The following GPR143 variants were observed in gnomAD, a reference collection of about 807,000 sequenced individuals.
GPR143 encodes G protein-coupled receptor 143, also known as G-protein coupled receptor 143.
Under a neutral mutation model 27.6 loss-of-function variants are expected in GPR143, and 8 were observed. The ratio of observed to expected loss-of-function variants is 0.29; its 90% CI spans 0.17 to 0.52. GPR143 has a LOEUF of 0.52. GPR143 is among the 20% of genes least tolerant of loss of function. The probability of loss-of-function intolerance (pLI) is 0.96; values close to 1 mark genes in which losing one functional copy is unlikely to be tolerated. For missense variants in GPR143, 303 were observed against 343.1 expected, an observed-to-expected ratio of 0.88 and a Z score of 0.92; for synonymous variants, 156 against 153.2, an observed-to-expected ratio of 1.02 and a Z score of -0.13.
At position 9,753,098 on chromosome X, in the gene GPR143, G is replaced by A. The variant is rs140982628; in HGVS notation, c.456-4432C>T. ...TAAACCTTAAAACTTGAAAAAGGCC[G>A]GGCGCAGTGGCTCATGCCTATAATC... is the stretch of plus-strand genomic sequence containing the variant. On this transcript the variant is annotated intron_variant, in intron 3 of 8. Coordinates refer to ENST00000467482, the MANE Select transcript of GPR143 (RefSeq NM_000273.3). 6.2e-3 allele frequency among the ~76,000 whole-genome samples: 696 copies of A among 111,528 alleles called. 3 individuals carry two copies. The highest frequency in any genetic ancestry group is 0.021 in the African/African-American group (660 of 30,760).
chrX:9,726,109 TAG>T (rs2083325932), intron 8 of GPR143: 2 of 381,443 alleles, frequency 5.2e-6, no homozygotes, highest in African/African-American at 5.8e-5. Flanking sequence ...AGTTGATTGA[TAG>T]GTGACTGCGG....
At chrX:9,777,301 G>A (rs936995810) in intron 1 of GPR143, among the ~76,000 whole-genome samples, 9 of 112,109 alleles carry the variant, frequency 8.0e-5, no homozygotes, top group African/African-American at 2.9e-4. Flanking sequence ...CAGCTACTTA[G>A]GAGAGTGAGG....
In GPR143 at chrX:9,736,084, G is replaced by A. The variant is rs2238880; in HGVS notation, c.1120+3401C>T. On this transcript the variant is annotated intron_variant, in intron 8 of 8. Coordinates refer to ENST00000467482, the MANE Select transcript of GPR143 (RefSeq NM_000273.3). ...CTGGTAAAGCTCTGGTAGGAAAATC[G>A]GAATGACACCTGCGTTTCCCCCGCC... Among the ~76,000 whole-genome samples, 537 of 110,750 alleles carry A rather than the reference G, an allele frequency of 4.8e-3. 2 individuals carry two copies. Among genetic ancestry groups the A allele is most frequent in the East Asian group, 0.024 (83 of 3,504 alleles).
chrX:9,760,835 G>A lies in GPR143; in HGVS notation c.251-9C>T, dbSNP rs374596288. 5 of 955,495 alleles carry A rather than the reference G, an allele frequency of 5.2e-6. No individual in the cohort carries two copies. Among genetic ancestry groups the A allele is most frequent in the Admixed American group, 4.8e-5 (2 of 41,326 alleles). 78.7% of individuals were successfully genotyped at this position (955,495 alleles called of 1,213,427 possible). On this transcript the variant is annotated splice_polypyrimidine_tract_variant and intron_variant, in intron 1 of 8. Transcript: ENST00000467482. ...GGACCGGATCACCATACCTAAGAGA[G>A]AATTGGATAATACTTTGTATCTGAT...
In GPR143 at chrX:9,760,739, G is replaced by A; in HGVS notation, c.338C>T (p.Ala113Val). 6 of 1,190,814 alleles carry A rather than the reference G, an allele frequency of 5.0e-6. No individual in the cohort carries two copies. The highest frequency in any genetic ancestry group is 6.8e-6 in the Non-Finnish European group (6 of 878,879). ...SDMNHTEIWP[A>V]AFCVGSAMWI... ...CACCGCACTCCCCACGCAGAAAGCA[G>A]CAGGCCAAATTTCCGTGTGGTTCAT... Residue 113 changes from alanine (A) to valine (V), a missense_variant, in exon 2 of 9, where the codon GCT becomes GTT. Ala to Val is a moderately conservative substitution (Grantham distance 64). Coordinates refer to ENST00000467482, the MANE Select transcript of GPR143 (RefSeq NM_000273.3).
chrX:9,773,119 C>T (rs1414818691), intron 1 of GPR143, among the ~76,000 whole-genome samples: 1 of 111,685 alleles, frequency 9.0e-6, no homozygotes, highest in Admixed American at 9.6e-5. Flanking sequence ...AAATTCACAT[C>T]GCGTGCTTTT....
chrX:9,736,783 G>C (rs1406953243), intron 8 of GPR143, among the ~76,000 whole-genome samples: 1 of 112,185 alleles, frequency 8.9e-6, no homozygotes, highest in Non-Finnish European at 1.9e-5. Context: ...TTCTCAAAAG[G>C]CTTTCCTTTT....
In GPR143 at chrX:9,739,447, A is replaced by C. The variant is rs781743213; in HGVS notation, c.1120+38T>G. The C allele has an allele frequency of 7.0e-6, 7 of 999,535 alleles. No individual in the cohort carries two copies. The East Asian group carries it at 2.2e-4, about 31-fold the overall frequency. The allele number at this position is 999,535 out of a possible 1,213,427, so 82.4% of individuals were successfully genotyped here. ...AAGGCTTTCCAAGGGGAGCCCTGGG[A>C]CCCCGAAGTCTACCTGCTGTGGCAG... On this transcript the variant is annotated intron_variant, in intron 8 of 8. Coordinates refer to ENST00000467482, the MANE Select transcript of GPR143 (RefSeq NM_000273.3).
intron 8 of GPR143, among the ~76,000 whole-genome samples, chrX:9,735,629 C>G (rs965190495): frequency 2.7e-5 from 3 of 111,739 alleles, no homozygotes; most frequent in Non-Finnish European, 5.6e-5. Context: ...AACACTCACC[C>G]ATCCCGGCTA....
chrX:9,774,856 GT>G (rs1281754797), intron 1 of GPR143, among the ~76,000 whole-genome samples: 1 of 110,829 alleles, frequency 9.0e-6, no homozygotes, highest in African/African-American at 3.3e-5. Flanking sequence ...TTTTTTAATT[GT>G]TTTTTTGTTT....
intron 8 of GPR143, among the ~76,000 whole-genome samples, chrX:9,733,012 T>C (rs2083362261): frequency 9.0e-6 from 1 of 110,561 alleles, no homozygotes; most frequent in Non-Finnish European, 1.9e-5. Flanking sequence ...CAAAAGGAAT[T>C]ATGGGAGACT....
chrX:9,730,714 G>A (rs767072277), intron 8 of GPR143, among the ~76,000 whole-genome samples: 1 of 112,103 alleles, frequency 8.9e-6, no homozygotes, highest in South Asian at 3.7e-4. Flanking sequence ...AATTATGGAG[G>A]GGAAGAGAAG....
chrX:9,727,872 G>A (rs1345655077), intron 8 of GPR143, among the ~76,000 whole-genome samples: 1 of 112,616 alleles, frequency 8.9e-6, no homozygotes, highest in Non-Finnish European at 1.9e-5. Context: ...TAAGCACACT[G>A]CCTCTCTCCC....
At chrX:9,766,901 T>A (rs1042048627), upstream of GPR143, among the ~76,000 whole-genome samples, 307 of 65,111 alleles carry the variant, frequency 4.7e-3, 4 homozygotes, top group African/African-American at 0.019. Flanking sequence ...TATCTCTCTC[T>A]CTCACACACA....
intron 2 of GPR143, 33 bp downstream of exon 2, chrX:9,760,684 G>C (rs772933210): frequency 2.7e-6 from 2 of 749,983 alleles, no homozygotes; most frequent in Non-Finnish European, 4.1e-6. Context: ...GCATAAGTAG[G>C]GAGGAGAGGG....
chrX:9,742,873 T>G (rs5978340), intron 6 of GPR143, among the ~76,000 whole-genome samples: 26,753 of 110,542 alleles, frequency 0.24, 5,722 homozygotes, highest in African/African-American at 0.71. Flanking sequence ...TTGGGAGGCC[T>G]AGACGGGTGG....
chrX:9,750,852 C>T, intron 3 of GPR143, among the ~76,000 whole-genome samples: 1 of 112,681 alleles, frequency 8.9e-6, no homozygotes, highest in Non-Finnish European at 1.9e-5. Context: ...CATGAGCCGC[C>T]GTGCCCGGCC....
chrX:9,768,065 C>CA (rs1335055396), upstream of GPR143, among the ~76,000 whole-genome samples: 7 of 111,586 alleles, frequency 6.3e-5, no homozygotes, highest in African/African-American at 2.3e-4. Flanking sequence ...GCCCACTACT[C>CA]AAGCTCAGTA....
intron 7 of GPR143, chrX:9,740,753 CTT>C (rs374177494): frequency 0.012 from 2,872 of 241,433 alleles, no homozygotes; most frequent in Middle Eastern, 0.023. Context: ...TTCTTTCTTT[CTT>C]TTTTTTTTTT....
Sources: gnomAD v4.1 joint callset for allele counts (sites outside exome capture counted in the v4.1 genomes callset) on GRCh38, gnomAD v4.1.1 for gene constraint, MANE v1.5 for transcripts, NCBI Gene and HGNC (gene_info 2026-07-23, HGNC 2026-07-21) for gene names.